Variants in ZPR1 observed in about 807,000 individuals in gnomAD.
ZPR1 encodes the protein ZPR1 zinc finger, also known as zinc finger protein ZPR1.
A neutral mutation model predicts 59.6 loss-of-function variants in ZPR1; 37 were observed. The ratio of observed to expected loss-of-function variants is 0.62; its 90% CI spans 0.48 to 0.82. The LOEUF is 0.82. ZPR1 is among the 40% of genes least tolerant of loss of function. The pLI is 0.00. For missense variants in ZPR1, 527 were observed against 579.9 expected, an observed-to-expected ratio of 0.91 and a Z score of 0.94; for synonymous variants, 191 against 215.2, an observed-to-expected ratio of 0.89 and a Z score of 0.99.
In ZPR1 at chr11:116,786,579, G is replaced by A; in HGVS notation, c.427C>T (p.Leu143=). 6.2e-7 allele frequency: 1 copy of A among 1,614,132 alleles called. No homozygotes were observed. Among genetic ancestry groups the A allele is most frequent in the Non-Finnish European group, 8.5e-7 (1 of 1,179,974 alleles). The change falls in exon 4 of 14, where the codon CTG becomes TTG. Residue 143 remains leucine, a splice_region_variant and synonymous_variant. Coordinates refer to ENST00000227322, the MANE Select transcript of ZPR1 (RefSeq NM_003904.5). ...EIPAFSQKGA[L]TTVEGLITRA... is the part of the protein sequence containing the mutation. ...GTGATCAATCCTTCAACAGTGGTCA[G>A]AGCTTGTGAACAAGAACAAAAGACA... is the stretch of plus-strand genomic sequence containing the variant.
chr11:116,783,771 A>G (rs772640169), intron 9 of ZPR1, 152 bp from the exon 10 acceptor site: 32 of 619,616 alleles, frequency 5.2e-5, no homozygotes, highest in Non-Finnish European at 9.0e-5. Flanking sequence ...GCCCAAACCA[A>G]AAACACCAAG....
intron 12 of ZPR1, among the ~76,000 whole-genome samples, chr11:116,781,411 A>G (rs1339578816): frequency 1.3e-5 from 2 of 152,234 alleles, no homozygotes; most frequent in Non-Finnish European, 2.9e-5. Context: ...ACTAGGTCAC[A>G]TATAAAAGAC....
intron 2 of ZPR1, 97 bp from the exon 3 acceptor site, chr11:116,787,156 G>A (rs932477175): frequency 3.6e-6 from 4 of 1,115,320 alleles, no homozygotes; most frequent in Middle Eastern, 4.0e-4. Context: ...CCGCAGCCCA[G>A]CTGTCTCTCC....
In ZPR1 at chr11:116,775,357, G is replaced by A. The variant is rs1436173342; in HGVS notation, c.*3568C>T. The stretch of plus-strand genomic sequence containing the variant: ...GTCTGTAATCCCAGCTACTCAGGAG[G>A]CTGAGGCAGGAGAATTGCTTGAACC... On this transcript the variant is annotated 3_prime_UTR_variant, in exon 14 of 14. Coordinates refer to ENST00000227322, the MANE Select transcript of ZPR1 (RefSeq NM_003904.5). 1 of 151,922 alleles carries A rather than the reference G, an allele frequency of 6.6e-6. No homozygotes were observed. Among genetic ancestry groups the A allele is most frequent in the Non-Finnish European group, 1.5e-5 (1 of 68,248 alleles). 9.4% of individuals were successfully genotyped at this position (151,922 alleles called of 1,614,324 possible).
Position 116,777,301 on chromosome 11 carries a change from G to GT in ZPR1, c.*1623dup, listed in dbSNP as rs1309630914. ...AAATCACTTGTGACCTTTGAGAGTA[G>GT]TTTAACAGAGCAACGAGAGTAGATG... On this transcript the variant is annotated 3_prime_UTR_variant, in exon 14 of 14. Coordinates refer to ENST00000227322, the MANE Select transcript of ZPR1 (RefSeq NM_003904.5). The GT allele has an allele frequency of 6.6e-6, 1 of 152,244 alleles. No homozygotes were observed. The highest frequency in any genetic ancestry group is 1.5e-5 in the Non-Finnish European group (1 of 68,050). The allele number at this position is 152,244 out of a possible 1,614,324, so 9.4% of individuals were successfully genotyped here. A position where few individuals can be genotyped will look rare whatever the true frequency, so the allele number is the denominator to read the frequency against.
Position 116,776,389 on chromosome 11 carries a change from AT to A in ZPR1, c.*2535del, listed in dbSNP as rs1294595464. ...TATAGATGTTATCCCTAGTGTCCTA[AT>A]AGGGTTTAATCTATGATGGAGGATT... On this transcript the variant is annotated 3_prime_UTR_variant, in exon 14 of 14. Transcript: ENST00000227322. The A allele has an allele frequency of 1.3e-5, 2 of 152,194 alleles. No homozygotes were observed. Among genetic ancestry groups the A allele is most frequent in the African/African-American group, 4.8e-5 (2 of 41,436 alleles). 9.4% of individuals were successfully genotyped at this position (152,194 alleles called of 1,614,324 possible). A position where few individuals can be genotyped will look rare whatever the true frequency, so the allele number is the denominator to read the frequency against.
chr11:116,787,091 A>C (rs1365593386), intron 2 of ZPR1, 32 bp from the exon 3 acceptor site: 2 of 1,574,496 alleles, frequency 1.3e-6, no homozygotes, highest in Non-Finnish European at 1.7e-6. Flanking sequence ...CAGTACAAAG[A>C]GACTGCAGAA....
At position 116,776,673 on chromosome 11, in the gene ZPR1, TG is replaced by T. The variant is rs1345633892; in HGVS notation, c.*2251del. The T allele has an allele frequency of 6.6e-6, 1 of 152,240 alleles. No individual in the cohort carries two copies. The highest frequency in any genetic ancestry group is 1.5e-5 in the Non-Finnish European group (1 of 68,046). 9.4% of individuals were successfully genotyped at this position (152,240 alleles called of 1,614,324 possible). A position where few individuals can be genotyped will look rare whatever the true frequency, so the allele number is the denominator to read the frequency against. On this transcript the variant is annotated 3_prime_UTR_variant, in exon 14 of 14. Coordinates refer to ENST00000227322, the MANE Select transcript of ZPR1 (RefSeq NM_003904.5). ...AGGTCATCATTTCCTAGGAACTGGG[TG>T]GATTCTGGGAGATTGCCTCACACCA...
chr11:116,779,807 TA>T lies in ZPR1; in HGVS notation c.1209del (p.Phe403LeufsTer24). On this transcript the variant is annotated frameshift_variant, in exon 13 of 14. Coordinates refer to ENST00000227322, the MANE Select transcript of ZPR1 (RefSeq NM_003904.5). LOFTEE classifies it high-confidence loss of function. ...QIIEGNMKAH[F>X]IMDDPAGNSY... ...CTGTTTCCTGCTGGATCATCCATAA[TA>T]AAGTGGGCCTTCATGTTACCTTCGA... The T allele has an allele frequency of 6.2e-7, 1 of 1,603,422 alleles. No homozygotes were observed. Among genetic ancestry groups the T allele is most frequent in the Non-Finnish European group, 8.5e-7 (1 of 1,174,786 alleles).
intron 13 of ZPR1, among the ~76,000 whole-genome samples, 172 bp from the exon 14 acceptor site, chr11:116,779,231 G>A (rs1003913191): frequency 6.6e-6 from 1 of 152,174 alleles, no homozygotes; most frequent in African/African-American, 2.4e-5. Context: ...GAGCCCACAT[G>A]GGCCAGGGGT....
At position 116,786,917 on chromosome 11, in the gene ZPR1, G is replaced by T. The variant is rs374059989; in HGVS notation, c.424+52C>A. Reference sequence around the variant, plus strand: ...ACCAGGGGGTTTTGCAAGAAAGAGGGTAAGATTCTAGCTACATGCGAACAG... The same window carrying T: ...ACCAGGGGGTTTTGCAAGAAAGAGGTTAAGATTCTAGCTACATGCGAACAG... On this transcript the variant is annotated intron_variant, in intron 3 of 13. Transcript: ENST00000227322. 3.4e-6 allele frequency: 5 copies of T among 1,466,346 alleles called. No homozygotes were observed. The African/African-American group carries it at 6.9e-5, about 20-fold the overall frequency. 90.8% of individuals were successfully genotyped at this position (1,466,346 alleles called of 1,614,324 possible).
At chr11:116,786,477 C>T (rs1223528854) in intron 4 of ZPR1, 34 bp downstream of exon 4, 2 of 1,613,772 alleles carry the variant, frequency 1.2e-6, no homozygotes, top group South Asian at 2.2e-5. Context: ...GCAATTATTC[C>T]TTGAGCTGCT....
Position 116,786,593 on chromosome 11 carries a change from G to T in ZPR1, c.425-12C>A. 1 of 1,613,018 alleles carries T rather than the reference G, an allele frequency of 6.2e-7. No homozygotes were observed. The highest frequency in any genetic ancestry group is 8.5e-7 in the Non-Finnish European group (1 of 1,179,052). ...AACAGTGGTCAGAGCTTGTGAACAA[G>T]AACAAAAGACAAGTGTGACTTAGCC... On this transcript the variant is annotated splice_polypyrimidine_tract_variant and intron_variant, in intron 3 of 13. Transcript: ENST00000227322.
At chr11:116,786,666 A>ACT in intron 3 of ZPR1, 85 bp from the exon 4 acceptor site, 2 of 1,165,416 alleles carry the variant, frequency 1.7e-6, no homozygotes, top group Non-Finnish European at 2.5e-6. Flanking sequence ...ATTCACTTGA[A>ACT]CTCTCTGGGT....
Position 116,784,373 on chromosome 11 carries a change from C to T in ZPR1, c.891+5G>A. 6.2e-7 allele frequency: 1 copy of T among 1,613,980 alleles called. No individual in the cohort carries two copies. The highest frequency in any genetic ancestry group is 8.5e-7 in the Non-Finnish European group (1 of 1,179,970). ...TCTTCTTCCCAAATAATGGCGCCCA[C>T]CCACCTCATTGGTCCGATGCCCACA... On this transcript the variant is annotated splice_donor_5th_base_variant and intron_variant, in intron 9 of 13. Transcript: ENST00000227322.
intron 12 of ZPR1, among the ~76,000 whole-genome samples, chr11:116,780,977 GAA>G (rs1479972060): frequency 2.6e-5 from 4 of 151,980 alleles, no homozygotes; most frequent in Non-Finnish European, 5.9e-5. Context: ...TCCTCAAGAA[GAA>G]AAAATACTAC....
Position 116,774,597 on chromosome 11 carries a change from C to T in ZPR1, c.*4328G>A, listed in dbSNP as rs2134190288. The T allele has an allele frequency of 6.6e-6, 1 of 152,266 alleles. No individual in the cohort carries two copies. Among genetic ancestry groups the T allele is most frequent in the East Asian group, 1.9e-4 (1 of 5,188 alleles). The allele number at this position is 152,266 out of a possible 1,614,324, so 9.4% of individuals were successfully genotyped here. On this transcript the variant is annotated 3_prime_UTR_variant, in exon 14 of 14. Transcript: ENST00000227322. Reference sequence around the variant, plus strand: ...ACAGGCTTGGGGATCAGTCTTGAAGCATGAATTTTTACCCAGTGGGCCATG... The same window carrying T: ...ACAGGCTTGGGGATCAGTCTTGAAGTATGAATTTTTACCCAGTGGGCCATG...
chr11:116,785,930 G>A, intron 4 of ZPR1, 48 bp from the exon 5 acceptor site: 2 of 1,531,168 alleles, frequency 1.3e-6, no homozygotes, highest in Non-Finnish European at 1.8e-6. Context: ...TGTACCTTAT[G>A]CCCTGCCCCT....
rs1309752693 is a variant in ZPR1 at position 116,778,244 on chromosome 11, T to C, written c.*681A>G. 5 of 152,282 alleles carry C rather than the reference T, an allele frequency of 3.3e-5. No individual in the cohort carries two copies. Among genetic ancestry groups the C allele is most frequent in the African/African-American group, 1.2e-4 (5 of 41,464 alleles). 9.4% of individuals were successfully genotyped at this position (152,282 alleles called of 1,614,324 possible). A position where few individuals can be genotyped will look rare whatever the true frequency, so the allele number is the denominator to read the frequency against. On this transcript the variant is annotated 3_prime_UTR_variant, in exon 14 of 14. Coordinates refer to ENST00000227322, the MANE Select transcript of ZPR1 (RefSeq NM_003904.5). The stretch of plus-strand genomic sequence containing the variant: ...TTTCCCCACTAGACTTCAAGTTCCA[T>C]GAAAGAGATTTATTTTGTCCTCTGT...
Sources: gnomAD v4.1 joint callset for allele counts (sites outside exome capture counted in the v4.1 genomes callset) on GRCh38, gnomAD v4.1.1 for gene constraint, MANE v1.5 for transcripts, NCBI Gene and HGNC (gene_info 2026-07-23, HGNC 2026-07-21) for gene names.